The following DENND1B variants were observed in gnomAD, a reference collection of about 807,000 sequenced individuals.
The protein encoded by DENND1B is DENN domain-containing protein 1B.
In DENND1B, 59 loss-of-function variants were observed where a neutral mutation model predicts 90.1. The observed-to-expected ratio is 0.65, with a 90% CI of 0.53 to 0.81. The LOEUF (loss-of-function observed/expected upper bound fraction) is 0.81, where lower values mean the gene tolerates loss of function less well. DENND1B is among the 40% of genes least tolerant of loss of function. The pLI is 0.00. For synonymous variants in DENND1B, 337 were observed against 324.6 expected (o/e 1.04, Z -0.41); for missense variants, 862 against 912.6 (o/e 0.94, Z 0.71).
intron 11 of DENND1B, among the ~76,000 whole-genome samples, chr1:197,613,312 T>G (rs992555144): frequency 6.6e-6 from 1 of 150,844 alleles, no homozygotes; most frequent in African/African-American, 2.4e-5. Context: ...AAATAAGTGT[T>G]AAAGTTCTTA....
intron 11 of DENND1B, among the ~76,000 whole-genome samples, chr1:197,615,674 G>A (rs1184107065): frequency 6.6e-6 from 1 of 150,858 alleles, no homozygotes; most frequent in East Asian, 2.0e-4. Flanking sequence ...AAACAGTTTA[G>A]TTTACCAAGT....
chr1:197,668,402 G>A (rs1032528677), intron 5 of DENND1B, among the ~76,000 whole-genome samples: 2 of 151,724 alleles, frequency 1.3e-5, no homozygotes, highest in African/African-American at 2.4e-5. Flanking sequence ...GGGGTAGTGG[G>A]ACAGAGAGGA....
intron 3 of DENND1B, among the ~76,000 whole-genome samples, chr1:197,682,556 G>C (rs1184991081): frequency 6.6e-6 from 1 of 152,136 alleles, no homozygotes; most frequent in Non-Finnish European, 1.5e-5. Flanking sequence ...AGTAAGAAGA[G>C]CATTGGTAGG....
chr1:197,731,215 G>A (rs1662116280), intron 2 of DENND1B, among the ~76,000 whole-genome samples: 1 of 152,104 alleles, frequency 6.6e-6, no homozygotes, highest in African/African-American at 2.4e-5. Flanking sequence ...GAAGAATTAT[G>A]TCCTTTGGAA....
At chr1:197,590,258 G>A (rs1015259975) in intron 14 of DENND1B, among the ~76,000 whole-genome samples, 12 of 152,024 alleles carry the variant, frequency 7.9e-5, no homozygotes, top group East Asian at 5.8e-4. Flanking sequence ...TAACAAATGC[G>A]AACACCAAAG....
At chr1:197,512,359 TAATG>T (rs1186126398) in intron 21 of DENND1B, among the ~76,000 whole-genome samples, 2 of 151,718 alleles carry the variant, frequency 1.3e-5, no homozygotes, top group Non-Finnish European at 2.9e-5. Context: ...GAGATATAGT[TAATG>T]AAGAAAAAAG....
At chr1:197,563,932 A>C in intron 15 of DENND1B, among the ~76,000 whole-genome samples, 1 of 151,948 alleles carries the variant, frequency 6.6e-6, no homozygotes, top group Middle Eastern at 3.2e-3. Flanking sequence ...TCGAGGAAGT[A>C]ACTGCAGATG....
At chr1:197,714,304 A>G (rs144422955) in intron 3 of DENND1B, among the ~76,000 whole-genome samples, 3 of 152,060 alleles carry the variant, frequency 2.0e-5, no homozygotes, top group Non-Finnish European at 4.4e-5. Context: ...AAAATTGGCA[A>G]AAAAATCCTT....
At chr1:197,620,663 A>C (rs978650883) in intron 10 of DENND1B, among the ~76,000 whole-genome samples, 4 of 151,356 alleles carry the variant, frequency 2.6e-5, no homozygotes, top group Admixed American at 6.6e-5. Context: ...AAAGTCCATA[A>C]GGTAATTATG....
chr1:197,733,449 G>A (rs1662335094), intron 2 of DENND1B, among the ~76,000 whole-genome samples: 1 of 152,156 alleles, frequency 6.6e-6, no homozygotes, highest in Non-Finnish European at 1.5e-5. Flanking sequence ...TACGGTCAGA[G>A]GTTAAACTGC....
intron 2 of DENND1B, among the ~76,000 whole-genome samples, chr1:197,733,224 T>C (rs528405031): frequency 7.0e-4 from 107 of 152,282 alleles, no homozygotes; most frequent in Middle Eastern, 3.4e-3. Flanking sequence ...GTCTGCAATA[T>C]ACACTCTTCA....
At chr1:197,517,732 C>T (rs563700114) in intron 20 of DENND1B, among the ~76,000 whole-genome samples, 1 of 151,984 alleles carries the variant, frequency 6.6e-6, no homozygotes, top group Admixed American at 6.6e-5. Context: ...ATACTACTTG[C>T]CTTGCACAGA....
intron 10 of DENND1B, among the ~76,000 whole-genome samples, chr1:197,620,687 TATA>T (rs1424870405): frequency 7.9e-5 from 12 of 151,320 alleles, no homozygotes; most frequent in African/African-American, 2.4e-4. Flanking sequence ...CTGAAAATAT[TATA>T]ATAATTTTTT....
At chr1:197,645,546 AT>A (rs1680654294) in intron 9 of DENND1B, 143 bp downstream of exon 9, 1 of 445,442 alleles carries the variant, frequency 2.2e-6, no homozygotes, top group East Asian at 3.7e-5. Flanking sequence ...TAATATCTTT[AT>A]TTCTTATTTC....
At chr1:197,583,347 G>C (rs540519070) in intron 14 of DENND1B, 94 bp from the exon 15 acceptor site, 1 of 1,160,024 alleles carries the variant, frequency 8.6e-7, no homozygotes, top group Non-Finnish European at 1.3e-6. Context: ...GATAGAGGAA[G>C]CGTAAGGTGC....
At chr1:197,774,122 CAATT>C (rs1216480873) in intron 1 of DENND1B, among the ~76,000 whole-genome samples, 2 of 152,134 alleles carry the variant, frequency 1.3e-5, no homozygotes, top group Non-Finnish European at 2.9e-5. Flanking sequence ...CCTCTTAAAA[CAATT>C]AATGTCAAGA....
rs1558504044 is a variant in DENND1B at position 197,770,820 on chromosome 1, G to GTAAATGTATATCTATAAATATATA, written c.82+2047_82+2048insTATATATTTATAGATATACATTTA. Among the ~76,000 whole-genome samples the GTAAATGTATATCTATAAATATATA allele has an allele frequency of 3.9e-5, 5 of 126,622 alleles. No homozygotes were observed. In the East Asian group the frequency reaches 1.1e-3, roughly 27 times the overall value. 83.1% of individuals were successfully genotyped at this position (126,622 alleles called of 152,430 possible). A position where few individuals can be genotyped will look rare whatever the true frequency, so the allele number is the denominator to read the frequency against. Reference sequence around the variant, plus strand: ...TATAAATATATATATAAATATATATGTAAATATATATCTATAAATATATAT... The same window carrying GTAAATGTATATCTATAAATATATA: ...TATAAATATATATATAAATATATATGTAAATGTATATCTATAAATATATATAAATATATATCTATAAATATATAT... On this transcript the variant is annotated intron_variant, in intron 2 of 22. Transcript: ENST00000620048.
chr1:197,554,684 C>A (rs1311827318), intron 15 of DENND1B, among the ~76,000 whole-genome samples: 1 of 150,618 alleles, frequency 6.6e-6, no homozygotes, highest in African/African-American at 2.4e-5. Context: ...CTAAAAAATA[C>A]AAAAAATATT....
At chr1:197,760,462 C>A (rs1041959694) in intron 2 of DENND1B, among the ~76,000 whole-genome samples, 1 of 151,824 alleles carries the variant, frequency 6.6e-6, no homozygotes, top group Admixed American at 6.6e-5. Context: ...CCAGTCTGGG[C>A]AAAATAGCAA....
Sources: allele counts gnomAD v4.1 joint callset (sites outside exome capture counted in the v4.1 genomes callset), GRCh38; gene constraint gnomAD v4.1.1; transcripts MANE v1.5; gene names NCBI Gene and HGNC (gene_info 2026-07-23, HGNC 2026-07-21).